Variants in RAI14 observed in about 807,000 individuals in gnomAD.
RAI14 encodes the protein retinoic acid induced 14.
Under a neutral mutation model 115.4 loss-of-function variants are expected in RAI14, and 45 were observed. The ratio of observed to expected loss-of-function variants is 0.39; its 90% CI spans 0.31 to 0.50. The LOEUF (loss-of-function observed/expected upper bound fraction) is 0.50. Ranked by LOEUF, RAI14 falls within the 20% of genes least tolerant of loss-of-function variation. The pLI, the probability that RAI14 is intolerant of heterozygous loss-of-function variation, is 0.85. For synonymous variants in RAI14, 371 were observed against 415.4 expected (o/e 0.89, Z 1.30); for missense variants, 939 against 1,131.2 (o/e 0.83, Z 2.44).
At position 34,827,302 on chromosome 5, in the gene RAI14, C is replaced by CA. The variant is rs5867251; in HGVS notation, c.2799+826dup. Among the ~76,000 whole-genome samples, 85,903 of 151,904 alleles carry CA rather than the reference C, an allele frequency of 0.57. 24,850 individuals are homozygous for CA. The highest frequency in any genetic ancestry group is 0.65 in the South Asian group (3,116 of 4,798). ...TCCACGATAATCTCCCTCTCCATCT[C>CA]AAACCCTTAATTTCATCTGCAAGAT... is the stretch of plus-strand genomic sequence containing the variant. On this transcript the variant is annotated intron_variant, in intron 16 of 17. Coordinates refer to ENST00000265109, the MANE Select transcript of RAI14 (RefSeq NM_015577.3). This position sits in a 1 kb window ranked among gnomAD's most constrained non-coding sequence, Gnocchi z 4.2.
At chr5:34,812,606 G>A (rs1228265395) in intron 10 of RAI14, among the ~76,000 whole-genome samples, 11 of 151,972 alleles carry the variant, frequency 7.2e-5, no homozygotes, top group South Asian at 2.1e-4. Context: ...CAGAGGTTGC[G>A]GTGAGCTGAG....
In RAI14 at chr5:34,801,552, G is replaced by A. The variant is rs188642089; in HGVS notation, c.257-2160G>A. Among the ~76,000 whole-genome samples the A allele has an allele frequency of 3.5e-4, 53 of 152,166 alleles. No individual in the cohort carries two copies. In the East Asian group the frequency reaches 9.5e-3, roughly 27 times the overall value. ...AGATCAGGAGTTCGAGACCAGCCTGGCCAACATGGTGAAACCCCATCTCTA... is the reference window on the plus strand; with the variant it reads ...AGATCAGGAGTTCGAGACCAGCCTGACCAACATGGTGAAACCCCATCTCTA... On this transcript the variant is annotated intron_variant, in intron 4 of 17. Coordinates refer to ENST00000265109, the MANE Select transcript of RAI14 (RefSeq NM_015577.3).
intron 1 of RAI14, among the ~76,000 whole-genome samples, chr5:34,662,048 T>G (rs1742732423): frequency 2.0e-5 from 3 of 152,174 alleles, no homozygotes; most frequent in Admixed American, 6.6e-5. Flanking sequence ...TTCAGCCTCT[T>G]GAAGTGCTGG....
chr5:34,775,436 A>T (rs949285828), intron 3 of RAI14, among the ~76,000 whole-genome samples: 4 of 152,228 alleles, frequency 2.6e-5, no homozygotes, highest in African/African-American at 7.2e-5. Flanking sequence ...AATCTGATTT[A>T]AAAATGGGCA....
chr5:34,819,412 A>G (rs967731477), intron 13 of RAI14, among the ~76,000 whole-genome samples: 6 of 152,286 alleles, frequency 3.9e-5, no homozygotes, highest in Non-Finnish European at 7.3e-5. Context: ...TGAGCAGCAC[A>G]TTATTTCATG....
chr5:34,722,493 G>A (rs555401392), intron 2 of RAI14, among the ~76,000 whole-genome samples: 3 of 151,922 alleles, frequency 2.0e-5, no homozygotes, highest in South Asian at 2.1e-4. Flanking sequence ...CATCCCCTCC[G>A]GTTTTAGTGA....
chr5:34,700,927 C>T (rs1036452785), intron 2 of RAI14, among the ~76,000 whole-genome samples: 1 of 152,156 alleles, frequency 6.6e-6, no homozygotes, highest in Admixed American at 6.5e-5. Context: ...TAAATTTAGA[C>T]CCAATTTAAC....
rs868211423 is a variant in RAI14, at chr5:34,752,725, G to A, written c.37-4743G>A. Among the ~76,000 whole-genome samples the A allele has an allele frequency of 3.9e-3, 310 of 80,244 alleles. 13 individuals carry two copies. The highest frequency in any genetic ancestry group is 0.013 in the African/African-American group (186 of 14,690). The allele number at this position is 80,244 out of a possible 152,430, so 52.6% of individuals were successfully genotyped here. ...TATATGTGTGTGTGTGTGTGTGTGT[G>A]TGTGTGTGTGTGTGTGTGTGTGTGT... On this transcript the variant is annotated intron_variant, in intron 2 of 17. Coordinates refer to ENST00000265109, the MANE Select transcript of RAI14 (RefSeq NM_015577.3).
At chr5:34,727,770 T>G (rs993083052) in intron 2 of RAI14, among the ~76,000 whole-genome samples, 1 of 152,078 alleles carries the variant, frequency 6.6e-6, no homozygotes, top group Non-Finnish European at 1.5e-5. Context: ...CGCCTAGATA[T>G]CAGAGGATGT....
At chr5:34,809,230 A>T (rs1011612372) in intron 7 of RAI14, among the ~76,000 whole-genome samples, 3 of 152,136 alleles carry the variant, frequency 2.0e-5, no homozygotes, top group Non-Finnish European at 1.5e-5. Flanking sequence ...TCTCATTTTT[A>T]TTATTATTAT....
intron 1 of RAI14, among the ~76,000 whole-genome samples, chr5:34,662,338 A>T (rs1368186644): frequency 6.6e-6 from 1 of 152,232 alleles, no homozygotes; most frequent in Non-Finnish European, 1.5e-5. Context: ...GGCACAAAAA[A>T]CATTCACTAT....
At chr5:34,828,583 A>G (rs1489652158) in intron 16 of RAI14, among the ~76,000 whole-genome samples, 2 of 152,148 alleles carry the variant, frequency 1.3e-5, no homozygotes, top group Non-Finnish European at 2.9e-5. Context: ...ATACTCTGAC[A>G]CTGATGGGGG....
chr5:34,728,239 A>G lies in RAI14; in HGVS notation c.37-29229A>G, dbSNP rs190645250. Among the ~76,000 whole-genome samples the G allele has an allele frequency of 2.2e-4, 33 of 152,244 alleles. 1 individual carries two copies. The highest frequency in any genetic ancestry group is 6.7e-4 in the African/African-American group (28 of 41,546). ...TTTAATTTTACTGGCTCATGGATGG[A>G]AGGGACTTGTCTTGTCTCAGATGAG... is the stretch of plus-strand genomic sequence containing the variant. On this transcript the variant is annotated intron_variant, in intron 2 of 17. Coordinates refer to ENST00000265109, the MANE Select transcript of RAI14 (RefSeq NM_015577.3).
chr5:34,699,061 A>G (rs1739711626), intron 2 of RAI14, among the ~76,000 whole-genome samples: 1 of 152,158 alleles, frequency 6.6e-6, no homozygotes, highest in African/African-American at 2.4e-5. Flanking sequence ...TGGCCTTAGC[A>G]TTTCATTAGG....
intron 2 of RAI14, among the ~76,000 whole-genome samples, chr5:34,703,485 A>T (rs1441319409): frequency 1.6e-4 from 24 of 152,246 alleles, no homozygotes; most frequent in Admixed American, 1.6e-3. Context: ...AGTTCTAGAC[A>T]TGCTTGTGAT....
chr5:34,694,061 C>T (rs1229763789), intron 2 of RAI14, among the ~76,000 whole-genome samples: 1 of 152,190 alleles, frequency 6.6e-6, no homozygotes, highest in Non-Finnish European at 1.5e-5. Flanking sequence ...TCTATTTACC[C>T]CAGACCATAA....
rs71600953 is a variant in RAI14, at chr5:34,752,703, ATGTGTGTGTGTGTG to A, written c.37-4731_37-4718del. ...AGAAATATCTATATTTCTTACATAT[ATGTGTGTGTGTGTG>A]TGTGTGTGTGTGTGTGTGTGTGTGT... On this transcript the variant is annotated intron_variant, in intron 2 of 17. Transcript: ENST00000265109. Among the ~76,000 whole-genome samples, 161 of 83,018 alleles carry A rather than the reference ATGTGTGTGTGTGTG, an allele frequency of 1.9e-3. 1 individual carries two copies. Among genetic ancestry groups the A allele is most frequent in the Non-Finnish European group, 3.2e-3 (138 of 43,406 alleles). 54.5% of individuals were successfully genotyped at this position (83,018 alleles called of 152,430 possible). A position where few individuals can be genotyped will look rare whatever the true frequency, so the allele number is the denominator to read the frequency against.
chr5:34,668,485 A>G (rs1743384877), intron 1 of RAI14, among the ~76,000 whole-genome samples: 1 of 151,690 alleles, frequency 6.6e-6, no homozygotes, highest in African/African-American at 2.4e-5. Flanking sequence ...GGTGCTGAGT[A>G]TTTCATCTTT....
chr5:34,665,142 C>CAT (rs1163888476), intron 1 of RAI14, among the ~76,000 whole-genome samples: 409 of 23,688 alleles, frequency 0.017, 165 homozygotes, highest in African/African-American at 0.041. Flanking sequence ...TATATATATA[C>CAT]ACATATATAT....
Sources: gnomAD v4.1 joint callset for allele counts (sites outside exome capture counted in the v4.1 genomes callset) on GRCh38, gnomAD v4.1.1 for gene constraint, Gnocchi (gnomAD v3.1) non-coding constraint, MANE v1.5 for transcripts, NCBI Gene and HGNC (gene_info 2026-07-23, HGNC 2026-07-21) for gene names.